YWHAE: variants seen among roughly 807,000 people sequenced by gnomAD.
The protein encoded by YWHAE is 14-3-3 protein epsilon.
YWHAE carries 4 observed loss-of-function variants against 30.1 expected under a neutral mutation model. The ratio of observed to expected loss-of-function variants is 0.13; its 90% CI spans 0.07 to 0.30. The LOEUF is 0.30. Among genes scored for constraint, YWHAE ranks in the 10% least tolerant of loss-of-function variants. The probability of loss-of-function intolerance (pLI) is 1.00; values close to 1 mark genes in which losing one functional copy is unlikely to be tolerated. For synonymous variants in YWHAE, 118 were observed against 111.8 expected, an observed-to-expected ratio of 1.06 and a Z score of -0.35; for missense variants, 121 against 315.9, an observed-to-expected ratio of 0.38 and a Z score of 4.68.
intron 5 of YWHAE, among the ~76,000 whole-genome samples, chr17:1,352,776 TG>T (rs1293447546): frequency 6.6e-6 from 1 of 152,120 alleles, no homozygotes; most frequent in Non-Finnish European, 1.5e-5. Flanking sequence ...CCACCCGCCA[TG>T]GCGTCCCAAA....
rs552258558 is a variant in YWHAE at position 1,384,719 on chromosome 17, G to A, written c.64+15328C>T. Among the ~76,000 whole-genome samples, 30 of 151,842 alleles carry A rather than the reference G, an allele frequency of 2.0e-4. No individual in the cohort carries two copies. In the East Asian group the frequency reaches 5.1e-3, roughly 26 times the overall value. On this transcript the variant is annotated intron_variant, in intron 1 of 5. Transcript: ENST00000264335. The stretch of plus-strand genomic sequence containing the variant: ...TGGGATTAAAGGAGTGAGCCACTGC[G>A]CCCAGCCCAGAGTTTTTCTCTTGTT...
At chr17:1,356,503 A>C (rs1205747848) in intron 4 of YWHAE, among the ~76,000 whole-genome samples, 1 of 152,254 alleles carries the variant, frequency 6.6e-6, no homozygotes, top group Non-Finnish European at 1.5e-5. Flanking sequence ...GTTTAAGCAG[A>C]AGCATGAGCA....
At chr17:1,369,825 C>T (rs1171377198) in intron 1 of YWHAE, 1 of 152,082 alleles carries the variant, frequency 6.6e-6, no homozygotes, top group Non-Finnish European at 1.5e-5. Flanking sequence ...TTAAACTACA[C>T]TGTAATCTAT....
chr17:1,400,206 T>A lies in YWHAE; in HGVS notation c.-96A>T. 1 of 1,444,716 alleles carries A rather than the reference T, an allele frequency of 6.9e-7. No individual in the cohort carries two copies. Among genetic ancestry groups the A allele is most frequent in the Non-Finnish European group, 9.7e-7 (1 of 1,033,430 alleles). The allele number at this position is 1,444,716 out of a possible 1,614,324, so 89.5% of individuals were successfully genotyped here. On this transcript the variant is annotated 5_prime_UTR_variant, in exon 1 of 6. Transcript: ENST00000264335. ...TCGCTCCGCGTCCGGGCAGCAAAAA[T>A]GGCGGCGCCTCAATCCGGGACTTCC...
rs1567983101 is a variant in YWHAE, at chr17:1,388,100, TG to T, written c.64+11946del. Among the ~76,000 whole-genome samples, 727 of 73,694 alleles carry T rather than the reference TG, an allele frequency of 9.9e-3. 19 individuals carry two copies. Among genetic ancestry groups the T allele is most frequent in the African/African-American group, 0.018 (213 of 11,626 alleles). 48.3% of individuals were successfully genotyped at this position (73,694 alleles called of 152,430 possible). ...GCCACCACCACGCCTGGGTAATTTTTGTTTTTTTTTTTGGTTGGTTTTTTTT... is the reference window on the plus strand; with the variant it reads ...GCCACCACCACGCCTGGGTAATTTTTTTTTTTTTTTTGGTTGGTTTTTTTT... On this transcript the variant is annotated intron_variant, in intron 1 of 5. Coordinates refer to ENST00000264335, the MANE Select transcript of YWHAE (RefSeq NM_006761.5).
At chr17:1,396,105 G>A (rs911972968) in intron 1 of YWHAE, among the ~76,000 whole-genome samples, 9 of 151,868 alleles carry the variant, frequency 5.9e-5, no homozygotes, top group Admixed American at 6.6e-5. Flanking sequence ...GGCGACAAGA[G>A]CAAGACTCCG....
At chr17:1,346,515 G>A (rs1193336387) in intron 5 of YWHAE, among the ~76,000 whole-genome samples, 3 of 152,170 alleles carry the variant, frequency 2.0e-5, no homozygotes, top group Non-Finnish European at 4.4e-5. Context: ...CACACATGAA[G>A]CATTTACACT....
At chr17:1,363,869 G>A (rs965560543) in intron 2 of YWHAE, among the ~76,000 whole-genome samples, 3 of 149,330 alleles carry the variant, frequency 2.0e-5, no homozygotes, top group African/African-American at 5.0e-5. Flanking sequence ...TACTAGAATC[G>A]GTTACTCAAC....
At chr17:1,383,088 C>A (rs1266730474) in intron 1 of YWHAE, among the ~76,000 whole-genome samples, 3 of 150,406 alleles carry the variant, frequency 2.0e-5, no homozygotes, top group African/African-American at 7.3e-5. Flanking sequence ...TGGTGGCTCA[C>A]GCCTGTAATC....
intron 1 of YWHAE, among the ~76,000 whole-genome samples, chr17:1,371,839 C>CT (rs368590864): frequency 0.33 from 45,390 of 138,454 alleles, 7,550 homozygotes; most frequent in African/African-American, 0.39. Context: ...TGACCCTGTA[C>CT]TTTTTTTTTT....
At position 1,345,479 on chromosome 17, in the gene YWHAE, C is replaced by T. The variant is rs1598217301; in HGVS notation, c.736G>A (p.Ala246Thr). The T allele has an allele frequency of 1.2e-6, 2 of 1,613,728 alleles. No homozygotes were observed. The highest frequency in any genetic ancestry group is 8.5e-7 in the Non-Finnish European group (1 of 1,179,826). ...QGDGEEQNKE[A>T]LQDVEDENQ ...TTTTCGTCTTCCACGTCCTGCAGCG[C>T]TTCTTTATTCTGCTCTTCACCTGTT... The change falls in exon 6 of 6, where the codon GCG (alanine) becomes ACG (threonine). Residue 246 changes from alanine (A) to threonine (T), a missense_variant. Ala to Thr is a moderately conservative substitution (Grantham distance 58, BLOSUM62 0). This residue lies in a region of YWHAE where 22 missense variants were observed against 26.6 expected (regional missense o/e 0.83). Coordinates refer to ENST00000264335, the MANE Select transcript of YWHAE (RefSeq NM_006761.5).
rs753302203 is a variant in YWHAE, at chr17:1,344,702, C to T, written c.*745G>A. 9.0e-5 allele frequency: 20 copies of T among 222,820 alleles called. No individual in the cohort carries two copies. Among genetic ancestry groups the T allele is most frequent in the Non-Finnish European group, 1.7e-4 (20 of 114,914 alleles). 13.8% of individuals were successfully genotyped at this position (222,820 alleles called of 1,614,324 possible). A position where few individuals can be genotyped will look rare whatever the true frequency, so the allele number is the denominator to read the frequency against. The stretch of plus-strand genomic sequence containing the variant: ...TACTGAACAAAAGAGGTTGAGCGAG[C>T]GAAGGAGGGGAGGAGTGAGGGGAAG... On this transcript the variant is annotated 3_prime_UTR_variant, in exon 6 of 6. Transcript: ENST00000264335.
At position 1,359,488 on chromosome 17, in the gene YWHAE, T is replaced by C. The variant is rs181436144; in HGVS notation, c.578+1604A>G. Among the ~76,000 whole-genome samples the C allele has an allele frequency of 5.4e-4, 82 of 152,250 alleles. 1 individual carries two copies. The South Asian group carries it at 6.0e-3, about 11-fold the overall frequency. ...TAATGACTAAACAATGTGTGCAAAA[T>C]ACATAAAATGAATTGTGTAAATTCA... On this transcript the variant is annotated intron_variant, in intron 4 of 5. Transcript: ENST00000264335.
intron 4 of YWHAE, among the ~76,000 whole-genome samples, chr17:1,359,158 A>G (rs1408912400): frequency 6.6e-6 from 1 of 152,050 alleles, no homozygotes; most frequent in Non-Finnish European, 1.5e-5. Context: ...AAAGAAAAAA[A>G]AAAGGAAAAG....
intron 5 of YWHAE, among the ~76,000 whole-genome samples, chr17:1,351,215 C>A (rs1227054062): frequency 6.6e-6 from 1 of 151,740 alleles, no homozygotes. Context: ...AAAAAATTAG[C>A]TAGGAGTGGT....
chr17:1,365,703 A>G (rs2072931481), intron 1 of YWHAE, among the ~76,000 whole-genome samples: 1 of 152,224 alleles, frequency 6.6e-6, no homozygotes, highest in Admixed American at 6.5e-5. Flanking sequence ...CGCCACAAAC[A>G]GCACAAGAAA....
chr17:1,354,219 T>C lies in YWHAE; in HGVS notation c.707A>G (p.Gln236Arg). Residue 236 changes from glutamine (Q) to arginine (R), a missense_variant, in exon 5 of 6, where the codon CAG (glutamine) becomes CGG (arginine). Coordinates refer to ENST00000264335, the MANE Select transcript of YWHAE (RefSeq NM_006761.5). ...ACTCCGTGCTTGCTTACCGTCACCC[T>C]GCATGTCTGAAGTCCATAGTGTCAG... ...DNLTLWTSDMQGDGEEQNKEA... is the reference protein window; with the variant it reads ...DNLTLWTSDMRGDGEEQNKEA... The C allele has an allele frequency of 6.2e-7, 1 of 1,613,398 alleles. No individual in the cohort carries two copies.
intron 1 of YWHAE, among the ~76,000 whole-genome samples, chr17:1,378,828 T>C (rs1332295439): frequency 1.3e-5 from 2 of 152,082 alleles, no homozygotes; most frequent in Admixed American, 1.3e-4. Context: ...ACACCTGTGA[T>C]CCCAGCTACT....
intron 1 of YWHAE, among the ~76,000 whole-genome samples, chr17:1,394,445 A>AAAAAAAAAAAAAAAAAAAAAAAC (rs1567987797): frequency 4.2e-5 from 6 of 142,584 alleles, no homozygotes; most frequent in African/African-American, 1.8e-4. Flanking sequence ...ACAAAAAAAA[A>AAAAAAAAAAAAAAAAAAAAAAAC]AAAAAAAAAA....
Sources: gnomAD v4.1 joint callset for allele counts (sites outside exome capture counted in the v4.1 genomes callset) on GRCh38, gnomAD v4.1.1 for gene constraint, gnomAD v4.1.1 regional missense constraint, MANE v1.5 for transcripts, NCBI Gene and HGNC (gene_info 2026-07-23, HGNC 2026-07-21) for gene names.